LHX1: variants seen among roughly 807,000 people sequenced by gnomAD.
The protein encoded by LHX1 is LIM/homeobox protein Lhx1.
A neutral mutation model predicts 34.1 loss-of-function variants in LHX1; 9 were observed. The ratio of observed to expected loss-of-function variants is 0.26; its 90% confidence interval spans 0.16 to 0.46. The LOEUF is 0.46. Among genes scored for constraint, LHX1 ranks in the 20% least tolerant of loss-of-function variants. The pLI is 1.00. For missense variants in LHX1, 446 were observed against 559.1 expected (o/e 0.80, Z 2.04); for synonymous variants, 254 against 241.5 (o/e 1.05, Z -0.48).
At position 36,943,136 on chromosome 17, in the gene LHX1, G is replaced by T; in HGVS notation, c.*5G>T. The T allele has an allele frequency of 6.2e-7, 1 of 1,612,092 alleles. No homozygotes were observed. On this transcript the variant is annotated 3_prime_UTR_variant, in exon 5 of 5. Transcript: ENST00000614239. ...AACGAGGCGGCCGTGTGGTAGCGGG[G>T]TCTCGCACGGTCTGCGGAGTTCGTG...
In LHX1 at chr17:36,938,272, C is replaced by T. The variant is rs1170784923; in HGVS notation, c.75C>T (p.His25=). 2 of 1,614,176 alleles carry T rather than the reference C, an allele frequency of 1.2e-6. No homozygotes were observed. Among genetic ancestry groups the T allele is most frequent in the South Asian group, 1.1e-5 (1 of 91,084 alleles). ...FLLNVLDRAW[H]VKCVQCCECK... is the part of the protein sequence containing the mutation. ...TGAACGTGCTGGACAGGGCCTGGCA[C>T]GTCAAGTGCGTCCAGTGCTGTGAAT... The change falls in exon 1 of 5, where the codon CAC becomes CAT. Residue 25 remains histidine (H), a synonymous_variant. Transcript: ENST00000614239.
rs775931616 is a variant in LHX1, at chr17:36,942,985, C to T, written c.1075C>T (p.Pro359Ser). Residue 359 changes from proline to serine, a missense_variant, in exon 5 of 5, where the codon CCC becomes TCC. Pro to Ser is a moderately conservative substitution (Grantham distance 74). Around this residue, in one of 3 missense-constraint regions of LHX1, gnomAD observed 235 missense variants for 224.4 expected, o/e 1.05. Transcript: ENST00000614239. ...HPPGDSPSPE[P>S]SLPGPLHSMS... is the part of the protein sequence containing the mutation. ...ACCCGGGGACTCGCCCAGCCCCGAG[C>T]CCAGCCTGCCCGGGCCTCTGCACTC... 7 of 1,611,150 alleles carry T rather than the reference C, an allele frequency of 4.3e-6. No homozygotes were observed. In the African/African-American group the frequency reaches 8.0e-5, roughly 18 times the overall value.
At position 36,943,395 on chromosome 17, in the gene LHX1, C is replaced by A; in HGVS notation, c.*264C>A. ...AAAGGAAACGCAGACCTCTCCCCAA[C>A]TCCCACCTGGACCCGGATCCGTAGA... On this transcript the variant is annotated 3_prime_UTR_variant, in exon 5 of 5. Transcript: ENST00000614239. 2.2e-6 allele frequency: 1 copy of A among 447,768 alleles called. No individual in the cohort carries two copies. The highest frequency in any genetic ancestry group is 4.1e-5 in the Admixed American group (1 of 24,468). 27.7% of individuals were successfully genotyped at this position (447,768 alleles called of 1,614,324 possible). A position where few individuals can be genotyped will look rare whatever the true frequency, so the allele number is the denominator to read the frequency against.
In LHX1 at chr17:36,938,155, G is replaced by A; in HGVS notation, c.-43G>A. The A allele has an allele frequency of 6.3e-7, 1 of 1,599,588 alleles. No homozygotes were observed. Among genetic ancestry groups the A allele is most frequent in the South Asian group, 1.1e-5 (1 of 90,748 alleles). On this transcript the variant is annotated 5_prime_UTR_variant, in exon 1 of 5. Transcript: ENST00000614239. The stretch of plus-strand genomic sequence containing the variant: ...GGAGTCATCCCCTGGGCTCTACTTT[G>A]CCCCTCTCTCTCTCTGGGCCTCATC...
chr17:36,940,258 C>CGGGGGGGGGGGGGGGGGGGGGGGGGGG, intron 1 of LHX1, 32 bp from the exon 2 acceptor site: 1 of 528,902 alleles, frequency 1.9e-6, no homozygotes, highest in Non-Finnish European at 3.3e-6. Context: ...GACCCATCCC[C>CGGGGGGGGGGGGGGGGGGGGGGGGGGG]GCCCCCGCCC....
chr17:36,940,283 C>T lies in LHX1; in HGVS notation c.171-7C>T. The T allele has an allele frequency of 1.6e-6, 2 of 1,253,612 alleles. No individual in the cohort carries two copies. Among genetic ancestry groups the T allele is most frequent in the African/African-American group, 1.5e-5 (1 of 66,318 alleles). 77.7% of individuals were successfully genotyped at this position (1,253,612 alleles called of 1,614,324 possible). On this transcript the variant is annotated splice_polypyrimidine_tract_variant and splice_region_variant and intron_variant, in intron 1 of 4. Transcript: ENST00000614239. Reference sequence around the variant, plus strand: ...CGCCCCCGCCCCCCACCCCCACCCCCCCGCAGGTGTTTCGGTACCAAATGC... The same window carrying T: ...CGCCCCCGCCCCCCACCCCCACCCCTCCGCAGGTGTTTCGGTACCAAATGC...
At chr17:36,941,322 G>A (rs1225053212) in intron 3 of LHX1, 2 of 371,864 alleles carry the variant, frequency 5.4e-6, no homozygotes, top group South Asian at 2.1e-5. Context: ...CTTTGTGATC[G>A]CTTGCTCCAA....
chr17:36,942,667 G>C, intron 4 of LHX1, 85 bp from the exon 5 acceptor site: 1 of 1,364,968 alleles, frequency 7.3e-7, no homozygotes, highest in Non-Finnish European at 9.7e-7. Flanking sequence ...TCCTCAGCCC[G>C]CCGAGGTCGC....
Position 36,943,018 on chromosome 17 carries a change from G to T in LHX1, c.1108G>T (p.Ala370Ser). 1 of 1,609,990 alleles carries T rather than the reference G, an allele frequency of 6.2e-7. No individual in the cohort carries two copies. The highest frequency in any genetic ancestry group is 8.5e-7 in the Non-Finnish European group (1 of 1,178,046). ...SLPGPLHSMS[A>S]EVFGPSPPFS... ...GCCCGGGCCTCTGCACTCCATGTCG[G>T]CCGAGGTCTTCGGACCCAGCCCGCC... The change falls in exon 5 of 5, where the codon GCC (alanine) becomes TCC (serine). Residue 370 changes from alanine to serine, a missense_variant. Physicochemically the swap from Ala to Ser is moderately conservative, Grantham distance 99 (BLOSUM62 1). Coordinates refer to ENST00000614239, the MANE Select transcript of LHX1 (RefSeq NM_005568.5).
chr17:36,942,706 C>T, intron 4 of LHX1, 46 bp from the exon 5 acceptor site: 1 of 1,446,474 alleles, frequency 6.9e-7, no homozygotes, highest in South Asian at 1.5e-5. Flanking sequence ...TCCCGCCGGC[C>T]CCCGGCCGGG....
rs2070772093 is a variant in LHX1 at position 36,942,458 on chromosome 17, T to A, written c.841+93T>A. On this transcript the variant is annotated intron_variant, in intron 4 of 4. Transcript: ENST00000614239. ...GCGGGGGGGCACGCCTCGCTCTCTG[T>A]AAGCCACTGGAGAGTTGGGGCGAGT... 3 of 1,351,476 alleles carry A rather than the reference T, an allele frequency of 2.2e-6. No homozygotes were observed. The East Asian group carries it at 7.5e-5, about 34-fold the overall frequency. 83.7% of individuals were successfully genotyped at this position (1,351,476 alleles called of 1,614,324 possible). A position where few individuals can be genotyped will look rare whatever the true frequency, so the allele number is the denominator to read the frequency against.
At position 36,942,193 on chromosome 17, in the gene LHX1, G is replaced by A. The variant is rs531014475; in HGVS notation, c.676-7G>A. On this transcript the variant is annotated splice_polypyrimidine_tract_variant and splice_region_variant and intron_variant, in intron 3 of 4. Coordinates refer to ENST00000614239, the MANE Select transcript of LHX1 (RefSeq NM_005568.5). ...CGGTGGCCTCACCCCGCCGCCATGTGCTGCAGGTCTGGTTCCAGAACCGGC... is the reference window on the plus strand; with the variant it reads ...CGGTGGCCTCACCCCGCCGCCATGTACTGCAGGTCTGGTTCCAGAACCGGC... 2.2e-4 allele frequency: 351 copies of A among 1,581,730 alleles called. No homozygotes were observed. The highest frequency in any genetic ancestry group is 1.2e-3 in the South Asian group (107 of 87,762).
At chr17:36,942,135 G>T in intron 3 of LHX1, 65 bp from the exon 4 acceptor site, 1 of 1,512,214 alleles carries the variant, frequency 6.6e-7, no homozygotes, top group Non-Finnish European at 8.9e-7. Context: ...TGCTGGCTAG[G>T]CCCGGAGCAC....
intron 1 of LHX1, 42 bp downstream of exon 1, chr17:36,938,409 G>A: frequency 1.2e-6 from 2 of 1,601,766 alleles, no homozygotes; most frequent in South Asian, 2.2e-5. Flanking sequence ...ACCTCCCCGC[G>A]GGCCCTTCCC....
upstream of LHX1, chr17:36,936,968 C>T (rs2070728137): frequency 3.9e-6 from 1 of 255,298 alleles, no homozygotes; most frequent in South Asian, 3.0e-5. Flanking sequence ...GTAGCCGCTG[C>T]GCCAGGACAT....
rs768549362 is a variant in LHX1, at chr17:36,942,189, A to T, written c.676-11A>T. On this transcript the variant is annotated splice_polypyrimidine_tract_variant and intron_variant, in intron 3 of 4. Coordinates refer to ENST00000614239, the MANE Select transcript of LHX1 (RefSeq NM_005568.5). ...GTCTCGGTGGCCTCACCCCGCCGCCATGTGCTGCAGGTCTGGTTCCAGAAC... is the reference window on the plus strand; with the variant it reads ...GTCTCGGTGGCCTCACCCCGCCGCCTTGTGCTGCAGGTCTGGTTCCAGAAC... 6 of 1,584,028 alleles carry T rather than the reference A, an allele frequency of 3.8e-6. No individual in the cohort carries two copies. The Admixed American group carries it at 7.0e-5, about 18-fold the overall frequency.
In LHX1 at chr17:36,942,892, G is replaced by A; in HGVS notation, c.982G>A (p.Glu328Lys). 6.3e-7 allele frequency: 1 copy of A among 1,595,600 alleles called. No individual in the cohort carries two copies. The highest frequency in any genetic ancestry group is 1.3e-5 in the African/African-American group (1 of 74,734). Reference sequence around the variant, plus strand: ...GTCCGGGACGCCCCTGGGTGGCCTGGAGCACCCGCTGCCGGGCCACCACCC... The same window carrying A: ...GTCCGGGACGCCCCTGGGTGGCCTGAAGCACCCGCTGCCGGGCCACCACCC... ...GPSGTPLGGL[E>K]HPLPGHHPSS... Residue 328 changes from glutamate to lysine, a missense_variant, in exon 5 of 5, where the codon GAG (glutamate) becomes AAG (lysine). Physicochemically the swap from Glu to Lys is moderately conservative, Grantham distance 56. Transcript: ENST00000614239.
Position 36,940,743 on chromosome 17 carries a change from C to G in LHX1, c.531C>G (p.Gly177=). 6.2e-7 allele frequency: 1 copy of G among 1,613,730 alleles called. No homozygotes were observed. Among genetic ancestry groups the G allele is most frequent in the Non-Finnish European group, 8.5e-7 (1 of 1,180,052 alleles). ...GSNENDDQNL[G]AKRRGPRTTI... ...ACGAGAATGACGACCAGAACCTGGGCGCCAAGCGGCGGGGACCGCGCACCA... is the reference window on the plus strand; with the variant it reads ...ACGAGAATGACGACCAGAACCTGGGGGCCAAGCGGCGGGGACCGCGCACCA... The change falls in exon 3 of 5, where the codon GGC becomes GGG. Residue 177 remains glycine (G), a synonymous_variant. Transcript: ENST00000614239.
intron 4 of LHX1, 89 bp from the exon 5 acceptor site, chr17:36,942,663 G>T: frequency 7.4e-7 from 1 of 1,357,814 alleles, no homozygotes; most frequent in Non-Finnish European, 9.8e-7. Context: ...GCCTTCCTCA[G>T]CCCGCCGAGG....
Sources: allele counts gnomAD v4.1 joint callset, GRCh38; gene constraint gnomAD v4.1.1; regional missense constraint gnomAD v4.1.1; transcripts MANE v1.5; gene names NCBI Gene and HGNC (gene_info 2026-07-23, HGNC 2026-07-21).